The following GAS2L3 variants were observed in gnomAD, a reference collection of about 807,000 sequenced individuals.
GAS2L3 encodes the protein growth arrest specific 2 like 3.
In GAS2L3, 28 loss-of-function variants were observed where a neutral mutation model predicts 37.0. The observed-to-expected ratio is 0.76, with a 90% CI of 0.56 to 1.04. GAS2L3 has a LOEUF of 1.04. Among genes scored for constraint, GAS2L3 ranks in the 50% least tolerant of loss-of-function variants. GAS2L3 has a pLI of 0.00. For missense variants in GAS2L3, 793 were observed against 817.6 expected (o/e 0.97, Z 0.37); for synonymous variants, 290 against 296.6 (o/e 0.98, Z 0.23).
chr12:100,598,789 C>A (rs1340284599), intron 3 of GAS2L3, among the ~76,000 whole-genome samples: 1 of 152,142 alleles, frequency 6.6e-6, no homozygotes, highest in Non-Finnish European at 1.5e-5. Context: ...TTGAGAGTTT[C>A]TTTACTTTCA....
chr12:100,626,860 G>T lies in GAS2L3; in HGVS notation c.*1970G>T, dbSNP rs1035424217. ...CAATCCCAGCATTTTGGGAAGCCAA[G>T]TTGGGCAGATCACGAAGTCAGGAGT... On this transcript the variant is annotated 3_prime_UTR_variant, in exon 10 of 10. Coordinates refer to ENST00000547754, the MANE Select transcript of GAS2L3 (RefSeq NM_174942.3). The T allele has an allele frequency of 3.3e-5, 5 of 152,110 alleles. No individual in the cohort carries two copies. Among genetic ancestry groups the T allele is most frequent in the African/African-American group, 1.2e-4 (5 of 41,440 alleles). 9.4% of individuals were successfully genotyped at this position (152,110 alleles called of 1,614,324 possible). A position where few individuals can be genotyped will look rare whatever the true frequency, so the allele number is the denominator to read the frequency against.
Position 100,624,872 on chromosome 12 carries a change from T to G in GAS2L3, c.2067T>G (p.Ser689Arg). 6.3e-7 allele frequency: 1 copy of G among 1,581,054 alleles called. No individual in the cohort carries two copies. Among genetic ancestry groups the G allele is most frequent in the Admixed American group, 1.8e-5 (1 of 55,492 alleles). Residue 689 changes from serine to arginine, a missense_variant, in exon 10 of 10, where the codon AGT (serine) becomes AGG (arginine). Coordinates refer to ENST00000547754, the MANE Select transcript of GAS2L3 (RefSeq NM_174942.3). ...DDDHYFVMTG[S>R]KKPRK ...ACCATTATTTTGTCATGACTGGAAG[T>G]AAGAAACCTAGAAAATAAATACATA... is the stretch of plus-strand genomic sequence containing the variant.
intron 6 of GAS2L3, among the ~76,000 whole-genome samples, chr12:100,614,758 A>G (rs1443660597): frequency 6.6e-6 from 1 of 152,216 alleles, no homozygotes; most frequent in Non-Finnish European, 1.5e-5. Flanking sequence ...GATGTTTCAT[A>G]TAAATGGAAT....
chr12:100,608,422 T>G (rs1031731099), intron 5 of GAS2L3, among the ~76,000 whole-genome samples: 7 of 152,208 alleles, frequency 4.6e-5, no homozygotes, highest in Admixed American at 6.5e-5. Context: ...TAGGGCTCTA[T>G]TATCAGCAGG....
intron 1 of GAS2L3, among the ~76,000 whole-genome samples, chr12:100,588,928 A>G (rs1376976178): frequency 1.3e-5 from 2 of 152,128 alleles, no homozygotes; most frequent in Non-Finnish European, 2.9e-5. Flanking sequence ...GTTCCATAAA[A>G]ATCGCTGTTA....
In GAS2L3 at chr12:100,624,346, C is replaced by T. The variant is rs1290761534; in HGVS notation, c.1541C>T (p.Ser514Phe). The change falls in exon 10 of 10, where the codon TCT (serine) becomes TTT (phenylalanine). Residue 514 changes from serine to phenylalanine, a missense_variant. By Grantham distance (155) the Ser-to-Phe change is radical. Coordinates refer to ENST00000547754, the MANE Select transcript of GAS2L3 (RefSeq NM_174942.3). ...AATATACCTGTAAGACCTAAACCTT[C>T]TTTCCAGTCCTCTGCAAAAATGACA... ...KANIPVRPKP[S>F]FQSSAKMTKT... 4 of 1,614,000 alleles carry T rather than the reference C, an allele frequency of 2.5e-6. No individual in the cohort carries two copies. Among genetic ancestry groups the T allele is most frequent in the Non-Finnish European group, 3.4e-6 (4 of 1,179,998 alleles).
chr12:100,584,883 GTTTTT>G (rs34138123), intron 1 of GAS2L3, among the ~76,000 whole-genome samples: 4 of 78,198 alleles, frequency 5.1e-5, no homozygotes, highest in East Asian at 4.8e-4. Flanking sequence ...TACTTGAATG[GTTTTT>G]TTTTTTTTTT....
intron 1 of GAS2L3, chr12:100,580,255 A>G: frequency 4.1e-6 from 2 of 487,164 alleles, no homozygotes; most frequent in Non-Finnish European, 7.5e-6. Flanking sequence ...AAGACTATGG[A>G]AAATAACCTG....
chr12:100,579,191 G>C, intron 1 of GAS2L3: 1 of 640,038 alleles, frequency 1.6e-6, no homozygotes, highest in Non-Finnish European at 2.9e-6. Flanking sequence ...GCTTCAAACA[G>C]TCTTAACAGA....
intron 5 of GAS2L3, among the ~76,000 whole-genome samples, chr12:100,602,062 A>G (rs935783120): frequency 2.0e-5 from 3 of 152,166 alleles, no homozygotes; most frequent in East Asian, 1.9e-4. Flanking sequence ...GATAGTGTCT[A>G]ACATAGTGCT....
intron 1 of GAS2L3, chr12:100,579,808 G>T (rs1421387086): frequency 2.6e-5 from 19 of 723,414 alleles, no homozygotes; most frequent in Non-Finnish European, 4.8e-5. Flanking sequence ...AAATCTTTGT[G>T]TGAGGGATTG....
intron 3 of GAS2L3, 99 bp from the exon 4 acceptor site, chr12:100,600,283 T>C (rs1008185968): frequency 4.0e-6 from 3 of 741,800 alleles, no homozygotes; most frequent in East Asian, 2.5e-5. Context: ...GTGTCTATTA[T>C]GTATGATTTA....
intron 2 of GAS2L3, among the ~76,000 whole-genome samples, chr12:100,593,347 G>A (rs1176545369): frequency 6.6e-6 from 1 of 152,088 alleles, no homozygotes; most frequent in Non-Finnish European, 1.5e-5. Context: ...CATCTTAAAA[G>A]TAGTTTTTTC....
chr12:100,627,606 G>A lies in GAS2L3; in HGVS notation c.*2716G>A, dbSNP rs1043684634. On this transcript the variant is annotated 3_prime_UTR_variant, in exon 10 of 10. Transcript: ENST00000547754. The stretch of plus-strand genomic sequence containing the variant: ...AGTTTTGTTTGAATAAACAATATCC[G>A]AAAGACAATTAGTTTCTTCAGATGT... The A allele has an allele frequency of 6.6e-6, 1 of 152,146 alleles. No homozygotes were observed. The highest frequency in any genetic ancestry group is 2.4e-5 in the African/African-American group (1 of 41,438). 9.4% of individuals were successfully genotyped at this position (152,146 alleles called of 1,614,324 possible). A position where few individuals can be genotyped will look rare whatever the true frequency, so the allele number is the denominator to read the frequency against.
rs183404146 is a variant in GAS2L3, at chr12:100,584,148, T to C, written c.-151-7588T>C. ...TCCAATAGCAACCCAGGAAAACTTATGCTTGGCTAAGCAGTGTATAGGAAT... is the reference window on the plus strand; with the variant it reads ...TCCAATAGCAACCCAGGAAAACTTACGCTTGGCTAAGCAGTGTATAGGAAT... On this transcript the variant is annotated intron_variant, in intron 1 of 9. Coordinates refer to ENST00000547754, the MANE Select transcript of GAS2L3 (RefSeq NM_174942.3). 3.0e-3 allele frequency among the ~76,000 whole-genome samples: 461 copies of C among 152,316 alleles called. 3 individuals carry two copies. The highest frequency in any genetic ancestry group is 9.6e-3 in the African/African-American group (399 of 41,580).
chr12:100,585,975 T>TC (rs1039558652), intron 1 of GAS2L3, among the ~76,000 whole-genome samples: 1 of 152,150 alleles, frequency 6.6e-6, no homozygotes, highest in Non-Finnish European at 1.5e-5. Flanking sequence ...CATCCACTTT[T>TC]CCCCCTTTTC....
intron 5 of GAS2L3, among the ~76,000 whole-genome samples, chr12:100,608,167 C>T (rs1022505368): frequency 2.0e-5 from 3 of 152,184 alleles, no homozygotes; most frequent in Non-Finnish European, 4.4e-5. Flanking sequence ...GAAGAATTCT[C>T]TGCATTACCA....
intron 1 of GAS2L3, chr12:100,579,669 C>T (rs1407076845): frequency 3.7e-5 from 29 of 779,236 alleles, no homozygotes; most frequent in Middle Eastern, 7.1e-4. Flanking sequence ...TAATACCTCC[C>T]TTACTGAAGC....
At position 100,588,549 on chromosome 12, in the gene GAS2L3, G is replaced by C. The variant is rs192173653; in HGVS notation, c.-151-3187G>C. ...ATAAGGGTCTATGTTCAGCAGTGCA[G>C]GTATTGTCTTGATAAACATCTTAAC... On this transcript the variant is annotated intron_variant, in intron 1 of 9. Coordinates refer to ENST00000547754, the MANE Select transcript of GAS2L3 (RefSeq NM_174942.3). 7.6e-3 allele frequency among the ~76,000 whole-genome samples: 1,152 copies of C among 152,272 alleles called. 6 individuals carry two copies. Among genetic ancestry groups the C allele is most frequent in the Non-Finnish European group, 0.013 (878 of 68,012 alleles).
Sources: allele counts gnomAD v4.1 joint callset (sites outside exome capture counted in the v4.1 genomes callset), GRCh38; gene constraint gnomAD v4.1.1; transcripts MANE v1.5; gene names NCBI Gene and HGNC (gene_info 2026-07-23, HGNC 2026-07-21).